The following EXOG variants were observed in gnomAD, a reference collection of about 807,000 sequenced individuals.
The protein encoded by EXOG is nuclease EXOG, mitochondrial.
A neutral mutation model predicts 25.8 loss-of-function variants in EXOG; 27 were observed. That is an observed-to-expected ratio of 1.05 (90% CI 0.77 to 1.45). The LOEUF (loss-of-function observed/expected upper bound fraction) is 1.45, where lower values mean the gene tolerates loss of function less well. Ranked by LOEUF, EXOG falls within the 40% of genes most tolerant of loss-of-function variation. The pLI is 0.00. For missense variants in EXOG, 458 were observed against 450.5 expected (o/e 1.02, Z -0.15); for synonymous variants, 133 against 167.0 (o/e 0.80, Z 1.57).
At chr3:38,516,095 C>T (rs898909513) in intron 5 of EXOG, among the ~76,000 whole-genome samples, 7 of 152,086 alleles carry the variant, frequency 4.6e-5, no homozygotes, top group East Asian at 1.9e-4. Context: ...CAGAAGTTCA[C>T]GGTAGTTCTT....
intron 5 of EXOG, among the ~76,000 whole-genome samples, chr3:38,514,761 T>TCC (rs3831840): frequency 1.6e-4 from 13 of 82,040 alleles, no homozygotes; most frequent in Admixed American, 8.0e-4. Flanking sequence ...TTTTCCACCC[T>TCC]CCCCCCCCTC....
chr3:38,520,341 C>T (rs986370084), intron 5 of EXOG, among the ~76,000 whole-genome samples: 1 of 152,186 alleles, frequency 6.6e-6, no homozygotes, highest in Non-Finnish European at 1.5e-5. Flanking sequence ...TCCCAGTTGA[C>T]TTCCAATTTT....
intron 4 of EXOG, among the ~76,000 whole-genome samples, chr3:38,504,593 A>G (rs2060145693): frequency 6.6e-6 from 1 of 151,650 alleles, no homozygotes; most frequent in Non-Finnish European, 1.5e-5. Flanking sequence ...ACGCCACCAC[A>G]CCCGGCTAAT....
At position 38,496,496 on chromosome 3, in the gene EXOG, C is replaced by G; in HGVS notation, c.129C>G (p.Gly43=). The G allele has an allele frequency of 6.2e-7, 1 of 1,613,456 alleles. No homozygotes were observed. ...CCCTGCAGTTCTTCCGGAGTCAGGG[C>G]GCTGAGGGAGCGTTGACAGGGAAGC... The part of the protein sequence containing the change: ...LAALQFFRSQ[G]AEGALTGKQP... The change falls in exon 1 of 6, where the codon GGC becomes GGG. Residue 43 remains glycine, a synonymous_variant. Transcript: ENST00000287675.
At chr3:38,499,836 AG>A in intron 2 of EXOG, 1 of 362,820 alleles carries the variant, frequency 2.8e-6, no homozygotes, top group South Asian at 2.1e-5. Flanking sequence ...GCGAATTGCT[AG>A]GTTAGTGTTG....
chr3:38,501,162 C>G, intron 2 of EXOG, 193 bp from the exon 3 acceptor site: 1 of 541,926 alleles, frequency 1.8e-6, no homozygotes, highest in Non-Finnish European at 3.3e-6. Flanking sequence ...GAAAAGCATT[C>G]TTTCCTAGAC....
chr3:38,504,454 G>A (rs2060139067), intron 4 of EXOG, among the ~76,000 whole-genome samples: 1 of 150,932 alleles, frequency 6.6e-6, no homozygotes, highest in African/African-American at 2.4e-5. Context: ...TTGTTTTTTT[G>A]AGACAAAGTC....
intron 5 of EXOG, among the ~76,000 whole-genome samples, chr3:38,507,768 G>A (rs896155925): frequency 3.3e-5 from 5 of 152,146 alleles, no homozygotes; most frequent in African/African-American, 9.7e-5. Flanking sequence ...GAATAATAGA[G>A]GAACACAGGA....
intron 5 of EXOG, among the ~76,000 whole-genome samples, chr3:38,514,258 G>A (rs2060463744): frequency 6.6e-6 from 1 of 152,196 alleles, no homozygotes; most frequent in Admixed American, 6.5e-5. Flanking sequence ...AAGAAAGTGT[G>A]GAACCTGGAA....
rs1193857686 is a variant in EXOG, at chr3:38,524,513, TG to T, written c.*153del. The T allele has an allele frequency of 1.5e-6, 2 of 1,363,014 alleles. No homozygotes were observed. The highest frequency in any genetic ancestry group is 2.9e-5 in the African/African-American group (2 of 68,120). 84.4% of individuals were successfully genotyped at this position (1,363,014 alleles called of 1,614,324 possible). ...CCGTGTCATCCAGGCTGGAGTGCAG[TG>T]GTGGAATCATAGCTCACTATAGCCT... is the stretch of plus-strand genomic sequence containing the variant. On this transcript the variant is annotated 3_prime_UTR_variant, in exon 6 of 6. Transcript: ENST00000287675.
intron 5 of EXOG, among the ~76,000 whole-genome samples, chr3:38,516,476 C>T (rs1201963169): frequency 6.6e-6 from 1 of 152,174 alleles, no homozygotes; most frequent in Non-Finnish European, 1.5e-5. Flanking sequence ...CATTTTGCCA[C>T]ATTTATGCTC....
Position 38,524,957 on chromosome 3 carries a change from T to C in EXOG, c.*595T>C. On this transcript the variant is annotated 3_prime_UTR_variant, in exon 6 of 6. Transcript: ENST00000287675. ...TACATTTTTCCCTCTAGGACCTGAA[T>C]TGGTCTTGGAGGCAGCTTTTAGAAA... 2 of 985,508 alleles carry C rather than the reference T, an allele frequency of 2.0e-6. No individual in the cohort carries two copies. Among genetic ancestry groups the C allele is most frequent in the Non-Finnish European group, 2.4e-6 (2 of 829,992 alleles). 61.0% of individuals were successfully genotyped at this position (985,508 alleles called of 1,614,324 possible).
At chr3:38,514,761 T>TCCCCCCCCC (rs3831840) in intron 5 of EXOG, among the ~76,000 whole-genome samples, 2 of 82,034 alleles carry the variant, frequency 2.4e-5, no homozygotes, top group Non-Finnish European at 4.7e-5. Flanking sequence ...TTTTCCACCC[T>TCCCCCCCCC]CCCCCCCCTC....
Position 38,496,717 on chromosome 3 carries a change from C to T in EXOG, c.163+187C>T, listed in dbSNP as rs2059900607. 2.1e-6 allele frequency: 3 copies of T among 1,443,864 alleles called. No individual in the cohort carries two copies. The South Asian group carries it at 4.4e-5, about 21-fold the overall frequency. The allele number at this position is 1,443,864 out of a possible 1,614,324, so 89.4% of individuals were successfully genotyped here. A position where few individuals can be genotyped will look rare whatever the true frequency, so the allele number is the denominator to read the frequency against. On this transcript the variant is annotated intron_variant, in intron 1 of 5. Coordinates refer to ENST00000287675, the MANE Select transcript of EXOG (RefSeq NM_005107.4). ...TCCCCACCTCGCGTCTCGCCAGCTT[C>T]CCTCATGTCCTTCCTTCCCCCGGGC... is the stretch of plus-strand genomic sequence containing the variant.
At chr3:38,496,881 G>T (rs187896438) in intron 1 of EXOG, 96 of 1,245,210 alleles carry the variant, frequency 7.7e-5, no homozygotes, top group Non-Finnish European at 1.7e-5. Context: ...TGTCTGTTTT[G>T]GTCTCCATCA....
chr3:38,507,499 GGGTATGAAGA>G (rs1486030603), intron 5 of EXOG, among the ~76,000 whole-genome samples: 1 of 152,174 alleles, frequency 6.6e-6, no homozygotes, highest in East Asian at 1.9e-4. Context: ...GTGGCTCAAG[GGGTATGAAGA>G]GTTCCATAAC....
chr3:38,499,721 C>T (rs1455744140), intron 2 of EXOG: 2 of 454,406 alleles, frequency 4.4e-6, no homozygotes, highest in East Asian at 1.4e-4. Flanking sequence ...CCTCCTGCCT[C>T]AGCCTCCTGA....
Position 38,525,749 on chromosome 3 carries a change from C to A in EXOG, c.*1387C>A, listed in dbSNP as rs1177985628. On this transcript the variant is annotated 3_prime_UTR_variant, in exon 6 of 6. Coordinates refer to ENST00000287675, the MANE Select transcript of EXOG (RefSeq NM_005107.4). ...CTTGAGCCCAGGAGTTTGAGACCAGCCTGGGCAACATAATGAAACCCTATC... is the reference window on the plus strand; with the variant it reads ...CTTGAGCCCAGGAGTTTGAGACCAGACTGGGCAACATAATGAAACCCTATC... 1 of 534,246 alleles carries A rather than the reference C, an allele frequency of 1.9e-6. No individual in the cohort carries two copies. Among genetic ancestry groups the A allele is most frequent in the Non-Finnish European group, 2.4e-6 (1 of 417,988 alleles). The allele number at this position is 534,246 out of a possible 1,614,324, so 33.1% of individuals were successfully genotyped here.
At chr3:38,507,034 C>T (rs754763181) in intron 5 of EXOG, 66 bp downstream of exon 5, 4 of 703,050 alleles carry the variant, frequency 5.7e-6, no homozygotes, top group Non-Finnish European at 9.5e-6. Context: ...TTCCATTCTG[C>T]TTTTTATTTT....
Sources: allele counts gnomAD v4.1 joint callset (sites outside exome capture counted in the v4.1 genomes callset), GRCh38; gene constraint gnomAD v4.1.1; transcripts MANE v1.5; gene names NCBI Gene and HGNC (gene_info 2026-07-23, HGNC 2026-07-21).